Variants in CCDC88C observed in about 807,000 individuals in gnomAD.
The protein encoded by CCDC88C is coiled-coil and HOOK domain protein 88C, also known as protein Daple.
A neutral mutation model predicts 198.8 loss-of-function variants in CCDC88C; 131 were observed. The observed-to-expected ratio is 0.66, with a 90% CI of 0.57 to 0.76. The LOEUF (loss-of-function observed/expected upper bound fraction) is 0.76. Ranked by LOEUF, CCDC88C falls within the 30% of genes least tolerant of loss-of-function variation. The pLI is 0.00. For missense variants in CCDC88C, 2,553 were observed against 2,631.6 expected (o/e 0.97, Z 0.65); for synonymous variants, 1,166 against 1,114.7 (o/e 1.05, Z -0.92).
intron 3 of CCDC88C, chr14:91,384,549 T>C (rs1406098707): frequency 2.0e-6 from 1 of 492,748 alleles, no homozygotes; most frequent in Non-Finnish European, 4.1e-6. Flanking sequence ...CATCACCCCA[T>C]CTCTTAAAAA....
intron 4 of CCDC88C, among the ~76,000 whole-genome samples, chr14:91,347,799 A>G (rs1171046476): frequency 6.6e-6 from 1 of 152,226 alleles, no homozygotes; most frequent in Non-Finnish European, 1.5e-5. Flanking sequence ...ATCTAGAACT[A>G]GAAATACCAT....
At chr14:91,276,108 C>T (rs1235278725) in intron 29 of CCDC88C, among the ~76,000 whole-genome samples, 2 of 152,102 alleles carry the variant, frequency 1.3e-5, no homozygotes, top group African/African-American at 4.8e-5. Context: ...GCGTGAGCCA[C>T]CGCGCCCGGC....
chr14:91,320,536 G>T (rs568375623), intron 13 of CCDC88C, among the ~76,000 whole-genome samples: 1 of 152,222 alleles, frequency 6.6e-6, no homozygotes, highest in African/African-American at 2.4e-5. Flanking sequence ...GCCCACGAAG[G>T]GGGTGGTGGG....
chr14:91,285,853 C>T (rs1327411557), intron 25 of CCDC88C: 17 of 1,251,472 alleles, frequency 1.4e-5, no homozygotes, highest in South Asian at 1.1e-4. Context: ...TGTTATCAAT[C>T]GGATAACCCA....
rs1202117692 is a variant in CCDC88C, at chr14:91,338,045, T to C, written c.1010A>G (p.Glu337Gly). ...RLELELTRCKEKLHDVDFYKA... is the reference protein window; with the variant it reads ...RLELELTRCKGKLHDVDFYKA... ...GTAGAAGTCCACGTCGTGCAGCTTCTCCTTGCAGCGGGTCAGCTCCAGCTC... is the reference window on the plus strand; with the variant it reads ...GTAGAAGTCCACGTCGTGCAGCTTCCCCTTGCAGCGGGTCAGCTCCAGCTC... Residue 337 changes from glutamate (E) to glycine (G), a missense_variant, in exon 10 of 30, where the codon GAG becomes GGG. Glu to Gly is a moderately conservative substitution (Grantham distance 98). Around this residue, in one of 2 missense-constraint regions of CCDC88C, gnomAD observed 1,260 missense variants for 1,412.0 expected, o/e 0.89. Transcript: ENST00000389857. The surrounding 1 kb of genome is among the most constrained non-coding windows in gnomAD (Gnocchi z 4.8). 1.2e-6 allele frequency: 2 copies of C among 1,613,320 alleles called. No homozygotes were observed. Among genetic ancestry groups the C allele is most frequent in the Non-Finnish European group, 1.7e-6 (2 of 1,179,896 alleles).
chr14:91,353,219 C>G (rs1337034195), intron 4 of CCDC88C, among the ~76,000 whole-genome samples: 1 of 152,180 alleles, frequency 6.6e-6, no homozygotes, highest in Non-Finnish European at 1.5e-5. Context: ...AGACTTCCAG[C>G]AACTTGCACT....
intron 23 of CCDC88C, among the ~76,000 whole-genome samples, chr14:91,292,479 C>T (rs1038855631): frequency 2.6e-5 from 4 of 152,226 alleles, no homozygotes; most frequent in Non-Finnish European, 5.9e-5. Flanking sequence ...GTCATTTCCA[C>T]CCCACAATTA....
intron 4 of CCDC88C, 149 bp downstream of exon 4, chr14:91,359,493 T>C: frequency 3.0e-6 from 2 of 663,354 alleles, no homozygotes; most frequent in Non-Finnish European, 5.4e-6. Context: ...CTCAGGGTAA[T>C]GAACCCACTC....
chr14:91,292,468 G>C (rs1455050473), intron 23 of CCDC88C, among the ~76,000 whole-genome samples: 3 of 152,132 alleles, frequency 2.0e-5, no homozygotes, highest in Non-Finnish European at 4.4e-5. Context: ...CCAACTTCAG[G>C]GTCATTTCCA....
intron 10 of CCDC88C, among the ~76,000 whole-genome samples, chr14:91,336,932 C>T (rs1251787235): frequency 6.6e-6 from 1 of 152,234 alleles, no homozygotes; most frequent in Non-Finnish European, 1.5e-5. Flanking sequence ...GCTCTGCCTT[C>T]GGTGGCCTAA....
chr14:91,337,057 A>AG (rs1251640260), intron 10 of CCDC88C, among the ~76,000 whole-genome samples: 1 of 152,184 alleles, frequency 6.6e-6, no homozygotes, highest in Non-Finnish European at 1.5e-5. Flanking sequence ...AACCACTTCC[A>AG]GCCCCCCTTG....
At chr14:91,356,250 C>A (rs926884024) in intron 4 of CCDC88C, among the ~76,000 whole-genome samples, 3 of 152,224 alleles carry the variant, frequency 2.0e-5, no homozygotes, top group African/African-American at 7.2e-5. Context: ...CTCCTCTGCT[C>A]TCAGAGCACC....
Position 91,300,070 on chromosome 14 carries a change from C to G in CCDC88C, c.3636G>C (p.Arg1212Ser), listed in dbSNP as rs917350550. The G allele has an allele frequency of 6.2e-7, 1 of 1,607,294 alleles. No homozygotes were observed. Among genetic ancestry groups the G allele is most frequent in the African/African-American group, 1.3e-5 (1 of 74,832 alleles). The change falls in exon 21 of 30, where the codon AGG becomes AGC. Residue 1212 changes from arginine to serine, a missense_variant and splice_region_variant. Physicochemically the swap from Arg to Ser is moderately radical, Grantham distance 110 (BLOSUM62 -1). This residue lies in a region of CCDC88C where 1,293 missense variants were observed against 1,219.6 expected (regional missense o/e 1.06). Transcript: ENST00000389857. ...LELEHKELGE[R>S]HGDMLKRKAE... ...CCTTGCGCTTCAGCATGTCACCGTGCCTGTTGGAGGGAAGCACCTGCCGTG... is the reference window on the plus strand; with the variant it reads ...CCTTGCGCTTCAGCATGTCACCGTGGCTGTTGGAGGGAAGCACCTGCCGTG...
intron 10 of CCDC88C, among the ~76,000 whole-genome samples, chr14:91,328,859 A>G (rs907237120): frequency 2.0e-5 from 3 of 152,202 alleles, no homozygotes; most frequent in Non-Finnish European, 4.4e-5. Context: ...TATCATGTTA[A>G]CAGAAAAAAC....
At chr14:91,346,567 A>G (rs1014071903) in intron 4 of CCDC88C, among the ~76,000 whole-genome samples, 1 of 152,080 alleles carries the variant, frequency 6.6e-6, no homozygotes, top group Non-Finnish European at 1.5e-5. Context: ...TCACTTCCCT[A>G]TTAACGTGGA....
At chr14:91,275,885 G>T (rs1184234399) in intron 29 of CCDC88C, among the ~76,000 whole-genome samples, 1 of 136,966 alleles carries the variant, frequency 7.3e-6, no homozygotes, top group African/African-American at 2.8e-5. Context: ...GCAGTGGCGC[G>T]ATCTCGACTC....
At chr14:91,294,399 A>C (rs915440092) in intron 22 of CCDC88C, 81 bp from the exon 23 acceptor site, 2 of 1,491,816 alleles carry the variant, frequency 1.3e-6, no homozygotes, top group Non-Finnish European at 1.8e-6. Flanking sequence ...CAAAGGAAGA[A>C]GGCCACTGCA....
In CCDC88C at chr14:91,301,139, G is replaced by A. The variant is rs575642556; in HGVS notation, c.3636-1069C>T. 2.0e-5 allele frequency among the ~76,000 whole-genome samples: 3 copies of A among 152,348 alleles called. No individual in the cohort carries two copies. In the South Asian group the frequency reaches 6.2e-4, roughly 32 times the overall value. On this transcript the variant is annotated intron_variant, in intron 20 of 29. Transcript: ENST00000389857. ...TACTCACCACTGAATCCCCGTGTGA[G>A]GAATGACACGTAGTGAATGCTTGTT... is the stretch of plus-strand genomic sequence containing the variant.
rs144679076 is a variant in CCDC88C, at chr14:91,316,050, G to A, written c.1528-263C>T. 1.9e-3 allele frequency among the ~76,000 whole-genome samples: 283 copies of A among 152,282 alleles called. 2 individuals are homozygous for A. In the Middle Eastern group the frequency reaches 0.02, roughly 11 times the overall value. On this transcript the variant is annotated intron_variant, in intron 13 of 29. Coordinates refer to ENST00000389857, the MANE Select transcript of CCDC88C (RefSeq NM_001080414.4). ...GCCATGTGCTCCACCGCCTGAGGCC[G>A]CCACCGCTGGGTGCCCTCGGGGGTT...
Sources: allele counts gnomAD v4.1 joint callset (sites outside exome capture counted in the v4.1 genomes callset), GRCh38; gene constraint gnomAD v4.1.1; regional missense constraint gnomAD v4.1.1; non-coding constraint Gnocchi (gnomAD v3.1); transcripts MANE v1.5; gene names NCBI Gene and HGNC (gene_info 2026-07-23, HGNC 2026-07-21).